Variants in CADM2 observed in about 807,000 individuals in gnomAD.
CADM2 encodes the protein cell adhesion molecule 2.
A neutral mutation model predicts 49.8 loss-of-function variants in CADM2; 12 were observed. The ratio of observed to expected loss-of-function variants is 0.24; its 90% CI spans 0.15 to 0.39. The LOEUF (loss-of-function observed/expected upper bound fraction) is 0.39. Ranked by LOEUF, CADM2 falls within the 10% of genes least tolerant of loss-of-function variation. The pLI, the probability that CADM2 is intolerant of heterozygous loss-of-function variation, is 1.00. For synonymous variants in CADM2, 214 were observed against 175.4 expected, an observed-to-expected ratio of 1.22 and a Z score of -1.74; for missense variants, 378 against 492.3, an observed-to-expected ratio of 0.77 and a Z score of 2.20.
intron 1 of CADM2, among the ~76,000 whole-genome samples, chr3:85,192,753 G>A (rs906202139): frequency 6.6e-6 from 1 of 151,854 alleles, no homozygotes; most frequent in East Asian, 1.9e-4. Flanking sequence ...GACTGACATG[G>A]AGCAAGAGAA....
intron 8 of CADM2, among the ~76,000 whole-genome samples, chr3:85,964,291 T>C (rs996165475): frequency 1.3e-5 from 2 of 151,822 alleles, no homozygotes; most frequent in African/African-American, 4.8e-5. Context: ...TAATTTAATA[T>C]AGCTCTAGTA....
intron 1 of CADM2, among the ~76,000 whole-genome samples, chr3:85,640,026 C>T (rs747906442): frequency 6.6e-6 from 1 of 152,166 alleles, no homozygotes; most frequent in Non-Finnish European, 1.5e-5. Context: ...CAAAGCATGT[C>T]TAAGGAGCAC....
chr3:85,194,561 A>G (rs953881438), intron 1 of CADM2, among the ~76,000 whole-genome samples: 1 of 152,094 alleles, frequency 6.6e-6, no homozygotes, highest in African/African-American at 2.4e-5. Context: ...ATATTTCACT[A>G]GAGTGTGAAT....
intron 1 of CADM2, among the ~76,000 whole-genome samples, chr3:85,436,930 T>C (rs2036958737): frequency 6.6e-6 from 1 of 152,208 alleles, no homozygotes; most frequent in Non-Finnish European, 1.5e-5. Flanking sequence ...GAGAAATATA[T>C]GTTGAATGTA....
chr3:85,023,352 A>G (rs542000304), intron 1 of CADM2, among the ~76,000 whole-genome samples: 1 of 151,922 alleles, frequency 6.6e-6, no homozygotes, highest in African/African-American at 2.4e-5. Flanking sequence ...TATGTCTTCT[A>G]TCTTATCAAA....
At chr3:86,021,598 CTG>C (rs1733190861) in intron 8 of CADM2, among the ~76,000 whole-genome samples, 2 of 152,232 alleles carry the variant, frequency 1.3e-5, no homozygotes, top group South Asian at 4.1e-4. Context: ...GTGCTACTCA[CTG>C]TAAAAATTTC....
chr3:85,899,311 T>C (rs1468521136), intron 5 of CADM2, among the ~76,000 whole-genome samples: 1 of 152,124 alleles, frequency 6.6e-6, no homozygotes, highest in Non-Finnish European at 1.5e-5. Flanking sequence ...TTTAGTTTTG[T>C]ATGTGAGAAA....
intron 1 of CADM2, among the ~76,000 whole-genome samples, chr3:85,291,695 A>G (rs201277199): frequency 0.1 from 14,856 of 146,102 alleles, 1,056 homozygotes; most frequent in African/African-American, 0.17. Flanking sequence ...ACTAAGCTTC[A>G]TAAGTGAAGG....
intron 3 of CADM2, among the ~76,000 whole-genome samples, chr3:85,844,473 C>G (rs1169792604): frequency 6.6e-6 from 1 of 151,832 alleles, no homozygotes; most frequent in Non-Finnish European, 1.5e-5. Flanking sequence ...AATATATACC[C>G]CTAAAATGAA....
chr3:85,307,091 C>T (rs866968364), intron 1 of CADM2, among the ~76,000 whole-genome samples: 4 of 151,364 alleles, frequency 2.6e-5, no homozygotes, highest in Non-Finnish European at 4.4e-5. Context: ...TTTTAGTTCA[C>T]GTATCAATTT....
intron 1 of CADM2, among the ~76,000 whole-genome samples, chr3:85,587,453 C>A (rs768021759): frequency 6.6e-6 from 1 of 152,014 alleles, no homozygotes; most frequent in Non-Finnish European, 1.5e-5. Flanking sequence ...GAATTCAGAT[C>A]TCTCAGTGGG....
At chr3:85,251,710 A>G (rs1350491274) in intron 1 of CADM2, among the ~76,000 whole-genome samples, 2 of 152,002 alleles carry the variant, frequency 1.3e-5, no homozygotes, top group East Asian at 3.9e-4. Flanking sequence ...AGGGGAGTAT[A>G]TAGATCATCC....
chr3:85,301,652 A>G (rs1029586413), intron 1 of CADM2, among the ~76,000 whole-genome samples: 3 of 152,032 alleles, frequency 2.0e-5, no homozygotes, highest in African/African-American at 7.2e-5. Context: ...TGCCTTTTAT[A>G]AAATTGTTCT....
intron 3 of CADM2, among the ~76,000 whole-genome samples, chr3:85,869,214 A>G (rs576309939): frequency 4.7e-4 from 71 of 152,280 alleles, no homozygotes; most frequent in African/African-American, 1.6e-3. Flanking sequence ...AAGCTCGGCA[A>G]TGAAGTGAAA....
intron 8 of CADM2, among the ~76,000 whole-genome samples, chr3:86,056,915 G>T (rs1232053648): frequency 1.3e-5 from 2 of 152,154 alleles, no homozygotes; most frequent in East Asian, 1.9e-4. Flanking sequence ...TGAGAGGAAA[G>T]ATTAAGTTTT....
intron 8 of CADM2, among the ~76,000 whole-genome samples, chr3:85,967,338 A>G (rs1314989240): frequency 6.6e-6 from 1 of 151,714 alleles, no homozygotes; most frequent in African/African-American, 2.4e-5. Flanking sequence ...TTTCCAATCC[A>G]TCTATCATAT....
chr3:85,034,790 C>CATTTTTTTTTTTTTTTTTTTTTTT (rs2035138891), intron 1 of CADM2, among the ~76,000 whole-genome samples: 1 of 84,098 alleles, frequency 1.2e-5, no homozygotes, highest in African/African-American at 5.4e-5. Flanking sequence ...AGACATTTTG[C>CATTTTTTTTTTTTTTTTTTTTTTT]TTTTTTTTTT....
intron 1 of CADM2, among the ~76,000 whole-genome samples, chr3:85,121,681 A>G (rs1003558063): frequency 6.6e-6 from 1 of 152,104 alleles, no homozygotes; most frequent in Non-Finnish European, 1.5e-5. Context: ...AATATTACCT[A>G]TCTTCATTCA....
chr3:85,398,238 T>C (rs1293104030), intron 1 of CADM2, among the ~76,000 whole-genome samples: 1 of 151,958 alleles, frequency 6.6e-6, no homozygotes, highest in Non-Finnish European at 1.5e-5. Context: ...TTCCCACCTA[T>C]GAGTGAGAAC....
Sources: allele counts gnomAD v4.1 joint callset (sites outside exome capture counted in the v4.1 genomes callset), GRCh38; gene constraint gnomAD v4.1.1; transcripts MANE v1.5; gene names NCBI Gene and HGNC (gene_info 2026-07-23, HGNC 2026-07-21).